The following PRKAR1A variants were observed in gnomAD, a reference collection of about 807,000 sequenced individuals.
The protein encoded by PRKAR1A is protein kinase cAMP-dependent type I regulatory subunit alpha, also known as cAMP-dependent protein kinase type I-alpha regulatory subunit.
Under a neutral mutation model 52.0 loss-of-function variants are expected in PRKAR1A, and 3 were observed. The ratio of observed to expected loss-of-function variants is 0.06; its 90% CI spans 0.03 to 0.15. The LOEUF is 0.15. PRKAR1A is among the 10% of genes least tolerant of loss of function. PRKAR1A has a pLI of 1.00. For synonymous variants in PRKAR1A, 188 were observed against 168.4 expected (o/e 1.12, Z -0.90); for missense variants, 240 against 477.4 (o/e 0.50, Z 4.63).
At chr17:68,421,602 G>A in the PRKAR1A span, 51 of 832,682 alleles carry the variant, frequency 6.1e-5, no homozygotes, top group Middle Eastern at 3.2e-4. Flanking sequence ...AACCAGGGTC[G>A]TGGGAAGCTT....
Position 68,533,397 on chromosome 17 carries a change from C to A in PRKAR1A, c.*2948C>A. 1 of 1,060,200 alleles carries A rather than the reference C, an allele frequency of 9.4e-7. No homozygotes were observed. The highest frequency in any genetic ancestry group is 5.1e-5 in the East Asian group (1 of 19,428). The allele number at this position is 1,060,200 out of a possible 1,614,324, so 65.7% of individuals were successfully genotyped here. A position where few individuals can be genotyped will look rare whatever the true frequency, so the allele number is the denominator to read the frequency against. ...TCCCCCCGTCCTCTGGAGTATGAAA[C>A]CTTTAGAGTCACAATAAAATGTAAC... is the stretch of plus-strand genomic sequence containing the variant. On this transcript the variant is annotated 3_prime_UTR_variant, in exon 11 of 11. Coordinates refer to ENST00000589228, the MANE Select transcript of PRKAR1A (RefSeq NM_002734.5).
intron 2 of PRKAR1A, among the ~76,000 whole-genome samples, chr17:68,519,884 G>A (rs1341881867): frequency 6.6e-6 from 1 of 152,194 alleles, no homozygotes; most frequent in East Asian, 1.9e-4. Context: ...CGAGGTATGT[G>A]ATTTTCAGCA....
the PRKAR1A span, among the ~76,000 whole-genome samples, chr17:68,431,839 G>T: frequency 6.6e-6 from 1 of 152,250 alleles, no homozygotes; most frequent in Admixed American, 6.5e-5. Flanking sequence ...AGACAGAAAC[G>T]GGAGAGCCTG....
the PRKAR1A span, among the ~76,000 whole-genome samples, chr17:68,501,159 T>C: frequency 5.8e-4 from 88 of 152,318 alleles, no homozygotes; most frequent in East Asian, 4.6e-3. Context: ...GAGCTGTGAA[T>C]TGCCCTGACT....
the PRKAR1A span, among the ~76,000 whole-genome samples, chr17:68,463,203 G>A: frequency 6.6e-6 from 1 of 152,130 alleles, no homozygotes; most frequent in South Asian, 2.1e-4. Context: ...GGATGGTTGG[G>A]GGGACACCTC....
At chr17:68,482,606 C>G in the PRKAR1A span, among the ~76,000 whole-genome samples, 1 of 152,282 alleles carries the variant, frequency 6.6e-6, no homozygotes, top group African/African-American at 2.4e-5. Context: ...GGGGCAATAA[C>G]CCTAGACACC....
the PRKAR1A span, among the ~76,000 whole-genome samples, chr17:68,497,522 A>G: frequency 3.9e-5 from 6 of 152,210 alleles, no homozygotes; most frequent in African/African-American, 1.4e-4. Context: ...TTATTTGATT[A>G]TAATTAATTT....
the PRKAR1A span, among the ~76,000 whole-genome samples, chr17:68,473,838 T>C: frequency 4.6e-5 from 7 of 152,168 alleles, no homozygotes; most frequent in Non-Finnish European, 8.8e-5. Context: ...CTATTTTATA[T>C]GGATTGTTGA....
At chr17:68,528,737 C>T (rs1373776887) in intron 8 of PRKAR1A, 133 bp from the exon 9 acceptor site, 10 of 1,193,930 alleles carry the variant, frequency 8.4e-6, no homozygotes, top group African/African-American at 4.6e-5. Flanking sequence ...AAGACAGGTA[C>T]CACTTTTAAT....
At chr17:68,464,944 T>TC in the PRKAR1A span, among the ~76,000 whole-genome samples, 5 of 150,896 alleles carry the variant, frequency 3.3e-5, no homozygotes, top group African/African-American at 1.2e-4. Context: ...TTTTTTTTTT[T>TC]AGACGGAGTC....
At chr17:68,507,981 C>T (rs1186812934), upstream of PRKAR1A, among the ~76,000 whole-genome samples, 1 of 151,706 alleles carries the variant, frequency 6.6e-6, no homozygotes, top group African/African-American at 2.4e-5. Context: ...TTTTTTTGTA[C>T]ATGCGATTAT....
At chr17:68,464,716 AC>A in the PRKAR1A span, among the ~76,000 whole-genome samples, 2 of 148,660 alleles carry the variant, frequency 1.3e-5, no homozygotes, top group African/African-American at 2.5e-5. Flanking sequence ...AACAAAAAAA[AC>A]ACCTAACATT....
the PRKAR1A span, among the ~76,000 whole-genome samples, chr17:68,478,453 A>AAAC: frequency 9.2e-5 from 14 of 152,190 alleles, 1 homozygote; most frequent in East Asian, 1.9e-3. Flanking sequence ...TTCGTCTCAA[A>AAAC]AACAACAACA....
At chr17:68,423,048 G>A in the PRKAR1A span, among the ~76,000 whole-genome samples, 2 of 152,110 alleles carry the variant, frequency 1.3e-5, no homozygotes, top group Admixed American at 1.3e-4. This position sits in a 1 kb window ranked among gnomAD's most constrained non-coding sequence, Gnocchi z 4.4. Context: ...TTAAGGCAGC[G>A]GCTCACAGAG....
intron 7 of PRKAR1A, among the ~76,000 whole-genome samples, chr17:68,526,610 C>T (rs990258652): frequency 6.6e-6 from 1 of 152,112 alleles, no homozygotes; most frequent in Non-Finnish European, 1.5e-5. Flanking sequence ...ATAGTCTTGT[C>T]CTTCGCAGCA....
the PRKAR1A span, among the ~76,000 whole-genome samples, chr17:68,487,114 C>T: frequency 1.1e-3 from 167 of 152,184 alleles, 2 homozygotes; most frequent in Middle Eastern, 6.8e-3. Flanking sequence ...CCTCGTGATC[C>T]GCCCGCCTCG....
chr17:68,457,060 G>A, the PRKAR1A span, among the ~76,000 whole-genome samples: 17 of 152,088 alleles, frequency 1.1e-4, no homozygotes, highest in Non-Finnish European at 5.9e-5. Context: ...CATATTCCGT[G>A]GCCCCCGCAG....
intron 3 of PRKAR1A, 82 bp downstream of exon 3, chr17:68,523,008 T>C (rs2085665936): frequency 6.5e-7 from 1 of 1,538,378 alleles, no homozygotes. Flanking sequence ...GAATGAATCA[T>C]AAAATACAAA....
At chr17:68,417,191 C>G in the PRKAR1A span, among the ~76,000 whole-genome samples, 2 of 152,166 alleles carry the variant, frequency 1.3e-5, no homozygotes, top group African/African-American at 4.8e-5. Flanking sequence ...CCTTCCCTCC[C>G]CTTAGGTGGA....
Sources: gnomAD v4.1 joint callset for allele counts (sites outside exome capture counted in the v4.1 genomes callset) on GRCh38, gnomAD v4.1.1 for gene constraint, Gnocchi (gnomAD v3.1) non-coding constraint, MANE v1.5 for transcripts, NCBI Gene and HGNC (gene_info 2026-07-23, HGNC 2026-07-21) for gene names.